EYA1: variants seen among roughly 807,000 people sequenced by gnomAD.
EYA1 encodes the protein protein phosphatase EYA1.
EYA1 carries 16 observed loss-of-function variants against 82.0 expected under a neutral mutation model. That is an observed-to-expected ratio of 0.20 (90% CI 0.13 to 0.30). The LOEUF is 0.30. Among genes scored for constraint, EYA1 ranks in the 10% least tolerant of loss-of-function variants. The pLI, the probability that EYA1 is intolerant of heterozygous loss-of-function variation, is 1.00. For missense variants in EYA1, 633 were observed against 730.7 expected (o/e 0.87, Z 1.54); for synonymous variants, 261 against 264.4 (o/e 0.99, Z 0.12).
At chr8:71,500,551 GACAA>G (rs543148236) in intron 2 of EYA1, among the ~76,000 whole-genome samples, 67 of 152,062 alleles carry the variant, frequency 4.4e-4, no homozygotes, top group African/African-American at 1.3e-3. Flanking sequence ...GTACATAACA[GACAA>G]ACAAACAAAC....
At chr8:71,497,202 T>C (rs1811477928) in intron 2 of EYA1, among the ~76,000 whole-genome samples, 2 of 152,198 alleles carry the variant, frequency 1.3e-5, no homozygotes, top group African/African-American at 4.8e-5. Context: ...ACACTAAAGA[T>C]AGCTGATGAG....
At chr8:71,530,538 A>T (rs1814182515) in intron 2 of EYA1, among the ~76,000 whole-genome samples, 1 of 152,200 alleles carries the variant, frequency 6.6e-6, no homozygotes, top group African/African-American at 2.4e-5. Context: ...TAAAAGTTTC[A>T]CTTACATAAA....
chr8:71,220,863 AGAG>A lies in EYA1; in HGVS notation c.1141-3843_1141-3841del, dbSNP rs1384946882. ...TAGGAGGAAGGAGCCAGGAGAGGGC[AGAG>A]GAGGAGAAGAGTTCCCTGTGCCTGC... On this transcript the variant is annotated intron_variant, in intron 12 of 17. Coordinates refer to ENST00000340726, the MANE Select transcript of EYA1 (RefSeq NM_000503.6). Among the ~76,000 whole-genome samples, 6 of 152,298 alleles carry A rather than the reference AGAG, an allele frequency of 3.9e-5. No homozygotes were observed. The East Asian group carries it at 1.2e-3, about 29-fold the overall frequency.
intron 6 of EYA1, among the ~76,000 whole-genome samples, chr8:71,321,252 A>C (rs1190608690): frequency 6.6e-6 from 1 of 152,194 alleles, no homozygotes; most frequent in Non-Finnish European, 1.5e-5. Flanking sequence ...TATATAGATC[A>C]CTTTTCCTAA....
intron 11 of EYA1, among the ~76,000 whole-genome samples, chr8:71,266,687 T>G (rs1815861062): frequency 6.6e-6 from 1 of 151,974 alleles, no homozygotes; most frequent in African/African-American, 2.4e-5. Context: ...CAATGTTGAC[T>G]GTGAATCTGC....
intron 2 of EYA1, among the ~76,000 whole-genome samples, chr8:71,468,835 T>A (rs1025569727): frequency 2.6e-5 from 4 of 152,158 alleles, no homozygotes; most frequent in African/African-American, 9.7e-5. Flanking sequence ...GCAAATTTAG[T>A]ACTTATCAAA....
chr8:71,316,723 C>T (rs1821967557), intron 7 of EYA1, among the ~76,000 whole-genome samples: 1 of 152,126 alleles, frequency 6.6e-6, no homozygotes, highest in African/African-American at 2.4e-5. Context: ...AAGAGATCAT[C>T]AGGGATTTAA....
intron 11 of EYA1, among the ~76,000 whole-genome samples, chr8:71,253,334 A>AAAGAGTTT (rs539097515): frequency 6.6e-6 from 1 of 152,124 alleles, no homozygotes; most frequent in Non-Finnish European, 1.5e-5. Flanking sequence ...GGAAGAAGAT[A>AAAGAGTTT]AAGAGTTTAA....
chr8:71,356,008 T>C (rs1826836050), intron 2 of EYA1, among the ~76,000 whole-genome samples: 1 of 152,232 alleles, frequency 6.6e-6, no homozygotes, highest in African/African-American at 2.4e-5. Flanking sequence ...TTTACATATA[T>C]AAAGTTAATA....
intron 2 of EYA1, among the ~76,000 whole-genome samples, chr8:71,433,954 CA>C (rs1174211836): frequency 6.6e-6 from 1 of 152,136 alleles, no homozygotes; most frequent in Non-Finnish European, 1.5e-5. Context: ...TTCAGTAGCT[CA>C]ATTGAAGAAA....
rs947339944 is a variant in EYA1 at position 71,202,672 on chromosome 8, G to A, written c.1699-3252C>T. On this transcript the variant is annotated intron_variant, in intron 17 of 17. Transcript: ENST00000340726. ...AATGAAAACTTTGCAAATCTTAGGT[G>A]TACATGAAAGAAAACTGGTAGATTC... is the stretch of plus-strand genomic sequence containing the variant. Among the ~76,000 whole-genome samples, 3 of 152,252 alleles carry A rather than the reference G, an allele frequency of 2.0e-5. No homozygotes were observed. In the East Asian group the frequency reaches 5.8e-4, roughly 29 times the overall value.
At chr8:71,497,133 C>T (rs1183685436) in intron 2 of EYA1, among the ~76,000 whole-genome samples, 3 of 152,164 alleles carry the variant, frequency 2.0e-5, no homozygotes, top group African/African-American at 7.2e-5. Context: ...AATCTTTTGG[C>T]TTCCCTGGCC....
At chr8:71,464,499 C>T (rs983789819) in intron 2 of EYA1, among the ~76,000 whole-genome samples, 3 of 152,176 alleles carry the variant, frequency 2.0e-5, no homozygotes, top group African/African-American at 7.2e-5. Context: ...CTGAGCCAAA[C>T]TCAACAGGCA....
chr8:71,361,792 G>A lies in EYA1; in HGVS notation c.-200C>T. The A allele has an allele frequency of 2.0e-6, 2 of 985,486 alleles. No individual in the cohort carries two copies. Among genetic ancestry groups the A allele is most frequent in the Non-Finnish European group, 1.2e-6 (1 of 829,964 alleles). The allele number at this position is 985,486 out of a possible 1,614,324, so 61.0% of individuals were successfully genotyped here. A position where few individuals can be genotyped will look rare whatever the true frequency, so the allele number is the denominator to read the frequency against. ...CTCTGGTGCAGCCGCGGCGCTTCTG[G>A]GAGTGGAGCGCCTCTGCAGGGGAAA... On this transcript the variant is annotated 5_prime_UTR_variant, in exon 1 of 18. Transcript: ENST00000340726.
At chr8:71,363,325 C>T (rs1274196940), upstream of EYA1, among the ~76,000 whole-genome samples, 1 of 151,932 alleles carries the variant, frequency 6.6e-6, no homozygotes. Context: ...CCGATGCAAA[C>T]AAAAAATAAA....
chr8:71,459,578 G>T (rs980846371), intron 2 of EYA1, among the ~76,000 whole-genome samples: 1 of 152,034 alleles, frequency 6.6e-6, no homozygotes, highest in Admixed American at 6.5e-5. Context: ...TATTTTAAAT[G>T]AATTTTTCTT....
chr8:71,512,260 G>A (rs989901787), intron 2 of EYA1, among the ~76,000 whole-genome samples: 9 of 152,114 alleles, frequency 5.9e-5, no homozygotes, highest in African/African-American at 2.2e-4. Flanking sequence ...GGTGTTCAAA[G>A]CTGAATTTCA....
chr8:71,440,539 T>A (rs1166790995), intron 2 of EYA1, among the ~76,000 whole-genome samples: 3 of 152,158 alleles, frequency 2.0e-5, no homozygotes, highest in African/African-American at 7.2e-5. Context: ...GGATGGCCCA[T>A]TTTTTGAGAT....
intron 11 of EYA1, among the ~76,000 whole-genome samples, chr8:71,268,602 C>T (rs1337080909): frequency 6.6e-6 from 1 of 152,058 alleles, no homozygotes; most frequent in African/African-American, 2.4e-5. Context: ...AGAGAATTTG[C>T]CTAACAATAA....
Sources: gnomAD v4.1 joint callset for allele counts (sites outside exome capture counted in the v4.1 genomes callset) on GRCh38, gnomAD v4.1.1 for gene constraint, MANE v1.5 for transcripts, NCBI Gene and HGNC (gene_info 2026-07-23, HGNC 2026-07-21) for gene names.